Variants in PCSK5 observed in about 807,000 individuals in gnomAD.
PCSK5 encodes proprotein convertase subtilisin/kexin type 5, also known as prohormone convertase 5.
A neutral mutation model predicts 233.2 loss-of-function variants in PCSK5; 129 were observed. That is an observed-to-expected ratio of 0.55 (90% CI 0.48 to 0.64). The LOEUF is 0.64. PCSK5 is among the 30% of genes least tolerant of loss of function. The pLI is 0.00. For synonymous variants in PCSK5, 825 were observed against 879.2 expected (o/e 0.94, Z 1.09); for missense variants, 2,076 against 2,430.1 (o/e 0.85, Z 3.06).
intron 36 of PCSK5, among the ~76,000 whole-genome samples, chr9:76,351,529 A>AAGG (rs1564196959): frequency 4.8e-4 from 52 of 108,628 alleles, no homozygotes; most frequent in Non-Finnish European, 6.3e-4. Context: ...AGAAAGAAAG[A>AAGG]AAGGAAGGAA....
intron 12 of PCSK5, among the ~76,000 whole-genome samples, chr9:76,168,242 C>T (rs934248622): frequency 6.6e-6 from 1 of 152,134 alleles, no homozygotes. Flanking sequence ...ACCTCTGCTT[C>T]CTGGGTTCAA....
At chr9:76,244,424 C>G (rs1245278927) in intron 24 of PCSK5, among the ~76,000 whole-genome samples, 1 of 152,090 alleles carries the variant, frequency 6.6e-6, no homozygotes, top group African/African-American at 2.4e-5. Context: ...GAGAACTTAA[C>G]TTTATTCCAT....
intron 24 of PCSK5, among the ~76,000 whole-genome samples, chr9:76,269,342 T>TCA (rs1827433935): frequency 3.3e-5 from 5 of 152,258 alleles, no homozygotes; most frequent in African/African-American, 1.2e-4. Context: ...ATCTAAGTGT[T>TCA]CAGGGGAGTG....
At chr9:75,947,324 T>G (rs991299740) in intron 2 of PCSK5, among the ~76,000 whole-genome samples, 11 of 151,992 alleles carry the variant, frequency 7.2e-5, no homozygotes, top group Non-Finnish European at 1.3e-4. Context: ...AGGTGGCCAG[T>G]GGTGGTAGAG....
intron 9 of PCSK5, among the ~76,000 whole-genome samples, chr9:76,127,197 T>C (rs1241937597): frequency 1.3e-5 from 2 of 152,068 alleles, no homozygotes; most frequent in East Asian, 3.8e-4. Flanking sequence ...TCTCCAGGGG[T>C]TTAACTACTG....
chr9:76,040,355 C>CTCTCTCTCTCTCTCTCTCTCTG (rs1829050213), intron 5 of PCSK5, among the ~76,000 whole-genome samples: 2 of 84,404 alleles, frequency 2.4e-5, no homozygotes, highest in Non-Finnish European at 4.7e-5. Flanking sequence ...CTCTCTCTCT[C>CTCTCTCTCTCTCTCTCTCTCTG]TCTCTCTCTC....
rs137878857 is a variant in PCSK5 at position 76,196,973 on chromosome 9, C to G, written c.2626+7227C>G. 2.6e-3 allele frequency among the ~76,000 whole-genome samples: 403 copies of G among 152,228 alleles called. 2 individuals are homozygous for G. The highest frequency in any genetic ancestry group is 4.6e-3 in the Admixed American group (70 of 15,290). On this transcript the variant is annotated intron_variant, in intron 20 of 37. Coordinates refer to ENST00000674117, the MANE Select transcript of PCSK5 (RefSeq NM_001372043.1). Reference sequence around the variant, plus strand: ...GTTAAGTTCAGAACAGGCAGAGATTCCTTTGAATTGGACTGGTCAGTTCCC... The same window carrying G: ...GTTAAGTTCAGAACAGGCAGAGATTGCTTTGAATTGGACTGGTCAGTTCCC...
intron 1 of PCSK5, among the ~76,000 whole-genome samples, chr9:75,908,941 GTCTATCTATCTATCTATCTATCTA>G (rs58082978): frequency 0.15 from 17,474 of 115,574 alleles, 1,493 homozygotes; most frequent in Non-Finnish European, 0.2. Context: ...CTCTCTCTCT[GTCTATCTATCTATCTATCTATCTA>G]TCTATCTATC....
chr9:76,040,387 C>CTCTCTCTCTCTCTCTCTCTCTG, intron 5 of PCSK5, among the ~76,000 whole-genome samples: 1 of 39,062 alleles, frequency 2.6e-5, no homozygotes, highest in African/African-American at 1.3e-4. Context: ...CTCTCTCTGT[C>CTCTCTCTCTCTCTCTCTCTCTG]TCTCTCTCTC....
At chr9:76,327,185 C>T (rs1325277076) in intron 32 of PCSK5, among the ~76,000 whole-genome samples, 6 of 151,016 alleles carry the variant, frequency 4.0e-5, no homozygotes, top group African/African-American at 1.5e-4. Context: ...CAGCTCACTG[C>T]AGCCTTGACC....
intron 24 of PCSK5, among the ~76,000 whole-genome samples, chr9:76,254,102 G>A (rs1826901663): frequency 6.6e-6 from 1 of 152,136 alleles, no homozygotes; most frequent in Non-Finnish European, 1.5e-5. Flanking sequence ...GGCTCTTAGA[G>A]GTTTCTCCAG....
chr9:76,179,600 C>G lies in PCSK5; in HGVS notation c.1905C>G (p.Pro635=), dbSNP rs749566281. 7 of 1,612,930 alleles carry G rather than the reference C, an allele frequency of 4.3e-6. No individual in the cohort carries two copies. Among genetic ancestry groups the G allele is most frequent in the Non-Finnish European group, 5.9e-6 (7 of 1,178,976 alleles). Residue 635 remains proline (P), a synonymous_variant, in exon 15 of 38, where the codon CCC becomes CCG. Transcript: ENST00000674117. ...DDYGTEDYAG[P]CDPECSEVGC... The stretch of plus-strand genomic sequence containing the variant: ...GTTCTAATGTCTTTTGGAAAGGTCC[C>G]TGCGACCCTGAGTGCAGTGAGGTTG...
chr9:76,116,595 T>TA (rs1019210139), intron 9 of PCSK5, among the ~76,000 whole-genome samples: 2 of 137,340 alleles, frequency 1.5e-5, no homozygotes, highest in African/African-American at 5.3e-5. Context: ...AATTAAGAGA[T>TA]AAAATGGTGG....
intron 20 of PCSK5, among the ~76,000 whole-genome samples, chr9:76,190,873 G>A (rs1824341749): frequency 6.6e-6 from 1 of 152,180 alleles, no homozygotes; most frequent in Admixed American, 6.5e-5. Context: ...CTGGGGTGCA[G>A]CCCATGATCA....
intron 20 of PCSK5, among the ~76,000 whole-genome samples, chr9:76,217,026 G>A (rs1183818046): frequency 6.6e-6 from 1 of 152,034 alleles, no homozygotes; most frequent in African/African-American, 2.4e-5. Flanking sequence ...ATTTAGTAGA[G>A]ATGGAGTTTC....
rs757300326 is a variant in PCSK5 at position 76,071,716 on chromosome 9, T to C, written c.722-10T>C. 1.2e-6 allele frequency: 2 copies of C among 1,606,006 alleles called. No homozygotes were observed. The highest frequency in any genetic ancestry group is 1.7e-6 in the Non-Finnish European group (2 of 1,175,358). Reference sequence around the variant, plus strand: ...CCTGTAATGAGCTAGTTCTCCTTTCTGTGTTGAAGGAGTGCGAATGCTGGA... The same window carrying C: ...CCTGTAATGAGCTAGTTCTCCTTTCCGTGTTGAAGGAGTGCGAATGCTGGA... On this transcript the variant is annotated splice_polypyrimidine_tract_variant and intron_variant, in intron 6 of 37. Coordinates refer to ENST00000674117, the MANE Select transcript of PCSK5 (RefSeq NM_001372043.1).
At chr9:76,209,638 C>T (rs918280272) in intron 20 of PCSK5, 28 of 451,842 alleles carry the variant, frequency 6.2e-5, no homozygotes, top group African/African-American at 3.8e-4. Context: ...CAAAATGTTT[C>T]GATCACTTCA....
At chr9:76,227,454 C>T (rs1338539753) in intron 20 of PCSK5, 49 bp from the exon 21 acceptor site, 1 of 1,321,064 alleles carries the variant, frequency 7.6e-7, no homozygotes, top group East Asian at 2.4e-5. Flanking sequence ...ACAGCCCAGG[C>T]AGGCTTGCCA....
At chr9:76,214,796 T>C (rs1264475793) in intron 20 of PCSK5, among the ~76,000 whole-genome samples, 2 of 152,152 alleles carry the variant, frequency 1.3e-5, no homozygotes, top group Non-Finnish European at 2.9e-5. Context: ...TCCTCATCTG[T>C]AAGAGGAGAG....
Sources: gnomAD v4.1 joint callset for allele counts (sites outside exome capture counted in the v4.1 genomes callset) on GRCh38, gnomAD v4.1.1 for gene constraint, MANE v1.5 for transcripts, NCBI Gene and HGNC (gene_info 2026-07-23, HGNC 2026-07-21) for gene names.